ALMS1: variants seen among roughly 807,000 people sequenced by gnomAD.
The protein encoded by ALMS1 is ALMS1 centrosome and basal body associated protein, also known as centrosome-associated protein ALMS1.
A neutral mutation model predicts 352.2 loss-of-function variants in ALMS1; 271 were observed. The ratio of observed to expected loss-of-function variants is 0.77; its 90% confidence interval spans 0.70 to 0.85. The LOEUF is 0.85. Among genes scored for constraint, ALMS1 ranks in the 40% least tolerant of loss-of-function variants. ALMS1 has a pLI of 0.00. For synonymous variants in ALMS1, 1,865 were observed against 1,761.2 expected (o/e 1.06, Z -1.48); for missense variants, 5,445 against 4,870.7 (o/e 1.12, Z -3.51).
chr2:73,494,254 CTG>C (rs1673057361), intron 10 of ALMS1, among the ~76,000 whole-genome samples: 1 of 152,182 alleles, frequency 6.6e-6, no homozygotes, highest in Non-Finnish European at 1.5e-5. Flanking sequence ...AAATGAGTCA[CTG>C]TCTAAAGCTC....
At chr2:73,386,302 G>A (rs1287516646) in intron 1 of ALMS1, 110 bp downstream of exon 1, 5 of 1,382,566 alleles carry the variant, frequency 3.6e-6, no homozygotes, top group South Asian at 3.1e-5. Context: ...GAAAACGCGC[G>A]CAGCTGAGGC....
At chr2:73,483,812 C>G (rs1356093541) in intron 9 of ALMS1, among the ~76,000 whole-genome samples, 4 of 146,620 alleles carry the variant, frequency 2.7e-5, no homozygotes, top group Non-Finnish European at 6.0e-5. Context: ...GAATTGATCC[C>G]TTTACCATTA....
intron 10 of ALMS1, among the ~76,000 whole-genome samples, chr2:73,496,131 T>G (rs1416718409): frequency 6.6e-6 from 1 of 152,206 alleles, no homozygotes; most frequent in Non-Finnish European, 1.5e-5. Context: ...CTTTGAAAAT[T>G]TCCGTACTTA....
At chr2:73,504,574 C>T (rs1673282389) in intron 10 of ALMS1, among the ~76,000 whole-genome samples, 1 of 152,184 alleles carries the variant, frequency 6.6e-6, no homozygotes, top group African/African-American at 2.4e-5. Flanking sequence ...TCAGCATACT[C>T]ACCTGGAGAT....
intron 10 of ALMS1, among the ~76,000 whole-genome samples, chr2:73,495,035 G>A (rs1174803976): frequency 1.3e-5 from 2 of 151,906 alleles, no homozygotes; most frequent in African/African-American, 4.8e-5. Flanking sequence ...TTCCGCCCTA[G>A]GTTATTTATT....
rs201777220 is a variant in ALMS1 at position 73,601,210 on chromosome 2, T to C, written c.11888T>C (p.Val3963Ala). 3.2e-5 allele frequency: 51 copies of C among 1,614,090 alleles called. No homozygotes were observed. Among genetic ancestry groups the C allele is most frequent in the Middle Eastern group, 3.3e-4 (2 of 6,084 alleles). Reference sequence around the variant, plus strand: ...TTTCCTGTAGGAGTTTCCTGGTTTGTTCCTGTGGAAAATGTGGAGTCTAGA... The same window carrying C: ...TTTCCTGTAGGAGTTTCCTGGTTTGCTCCTGTGGAAAATGTGGAGTCTAGA... ...KNSHEGVSWF[V>A]PVENVESRSK... The change falls in exon 19 of 23, where the codon GTT becomes GCT. Residue 3963 changes from valine to alanine, a missense_variant. Transcript: ENST00000613296.
At chr2:73,393,964 G>T (rs1487814127) in intron 1 of ALMS1, among the ~76,000 whole-genome samples, 1 of 151,928 alleles carries the variant, frequency 6.6e-6, no homozygotes, top group Non-Finnish European at 1.5e-5. Context: ...GGAACTACAG[G>T]CACATGCCAC....
rs187067971 is a variant in ALMS1, at chr2:73,602,883, C to A, written c.12299-358C>A. ...GTAAGTAAAAGCTAAGATTTGAACC[C>A]AGGTGTGCTCCTCTGGAGTCTGCAT... On this transcript the variant is annotated intron_variant, in intron 20 of 22. Transcript: ENST00000613296. Among the ~76,000 whole-genome samples the A allele has an allele frequency of 1.5e-3, 235 of 152,242 alleles. 3 individuals carry two copies. The highest frequency in any genetic ancestry group is 5.2e-3 in the Admixed American group (79 of 15,290).
intron 1 of ALMS1, among the ~76,000 whole-genome samples, chr2:73,404,731 T>C (rs1002575602): frequency 6.6e-6 from 1 of 151,924 alleles, no homozygotes; most frequent in Non-Finnish European, 1.5e-5. Context: ...TGGTTTATAG[T>C]CTTCTAATGT....
intron 9 of ALMS1, among the ~76,000 whole-genome samples, chr2:73,466,450 C>T (rs934323633): frequency 7.7e-6 from 1 of 129,430 alleles, no homozygotes; most frequent in Non-Finnish European, 1.5e-5. Flanking sequence ...CACATGGACA[C>T]AGGAAGGGGA....
intron 15 of ALMS1, among the ~76,000 whole-genome samples, chr2:73,562,241 C>T (rs1362089541): frequency 6.6e-6 from 1 of 152,122 alleles, no homozygotes; most frequent in Non-Finnish European, 1.5e-5. Flanking sequence ...TCATAGCTAA[C>T]TGTAGCCTCA....
chr2:73,505,322 A>G (rs542552138), intron 10 of ALMS1, among the ~76,000 whole-genome samples: 80 of 152,290 alleles, frequency 5.3e-4, no homozygotes, highest in African/African-American at 1.9e-3. Flanking sequence ...GGTTGAACTA[A>G]TTTACACTTC....
At chr2:73,487,177 C>T (rs923430649) in intron 9 of ALMS1, among the ~76,000 whole-genome samples, 18 of 152,190 alleles carry the variant, frequency 1.2e-4, no homozygotes, top group African/African-American at 4.1e-4. Flanking sequence ...GCACATTCTC[C>T]GCACTTGGCC....
intron 2 of ALMS1, among the ~76,000 whole-genome samples, chr2:73,415,351 G>A (rs1235490991): frequency 6.6e-6 from 1 of 152,184 alleles, no homozygotes; most frequent in Non-Finnish European, 1.5e-5. Context: ...GGAGAGGAAT[G>A]ATTCAGTAAT....
Position 73,448,409 on chromosome 2 carries a change from C to T in ALMS1, c.1882C>T (p.Pro628Ser). Residue 628 changes from proline to serine, a missense_variant, in exon 8 of 23, where the codon CCT becomes TCT. Coordinates refer to ENST00000613296, the MANE Select transcript of ALMS1 (RefSeq NM_001378454.1). The stretch of plus-strand genomic sequence containing the variant: ...TACTTCCTACTCACATAGAGAGAAG[C>T]CTGGTACTTTTTACCAACAAGAGTT... Reference protein sequence around the residue: ...TSTSYSHREKPGTFYQQELPE... With the variant: ...TSTSYSHREKSGTFYQQELPE... The T allele has an allele frequency of 2.5e-6, 4 of 1,614,008 alleles. No homozygotes were observed. Among genetic ancestry groups the T allele is most frequent in the Non-Finnish European group, 3.4e-6 (4 of 1,179,946 alleles).
intron 22 of ALMS1, among the ~76,000 whole-genome samples, chr2:73,609,254 C>T (rs911900244): frequency 1.3e-5 from 2 of 152,214 alleles, no homozygotes; most frequent in Non-Finnish European, 2.9e-5. Flanking sequence ...GGTGGAGGCC[C>T]CAGGCACCAC....
chr2:73,448,987 C>T lies in ALMS1; in HGVS notation c.2460C>T (p.Phe820=). 1 of 1,613,658 alleles carries T rather than the reference C, an allele frequency of 6.2e-7. No homozygotes were observed. Among genetic ancestry groups the T allele is most frequent in the South Asian group, 1.1e-5 (1 of 91,046 alleles). ...AYSHREKLLV[F]YQQALLDSHL... is the part of the protein sequence containing the mutation. ...CACACAGAGAGAAGCTCCTTGTTTTCTACCAACAGGCCTTGCTGGACAGCC... is the reference window on the plus strand; with the variant it reads ...CACACAGAGAGAAGCTCCTTGTTTTTTACCAACAGGCCTTGCTGGACAGCC... The change falls in exon 8 of 23, where the codon TTC becomes TTT. Residue 820 remains phenylalanine (F), a synonymous_variant. Coordinates refer to ENST00000613296, the MANE Select transcript of ALMS1 (RefSeq NM_001378454.1).
intron 15 of ALMS1, 63 bp from the exon 16 acceptor site, chr2:73,572,199 A>G (rs1674942895): frequency 7.4e-7 from 1 of 1,345,908 alleles, no homozygotes. Flanking sequence ...AATTGTGAAT[A>G]GTATTTCTAA....
intron 10 of ALMS1, among the ~76,000 whole-genome samples, chr2:73,506,480 G>C (rs1673329447): frequency 6.6e-6 from 1 of 151,988 alleles, no homozygotes; most frequent in African/African-American, 2.4e-5. Context: ...TGGTTTGTAG[G>C]TCTCCTTGAA....
Sources: gnomAD v4.1 joint callset for allele counts (sites outside exome capture counted in the v4.1 genomes callset) on GRCh38, gnomAD v4.1.1 for gene constraint, MANE v1.5 for transcripts, NCBI Gene and HGNC (gene_info 2026-07-23, HGNC 2026-07-21) for gene names.